SLIT3: variants seen among roughly 807,000 people sequenced by gnomAD.
The protein encoded by SLIT3 is slit guidance ligand 3.
A neutral mutation model predicts 184.0 loss-of-function variants in SLIT3; 68 were observed. The observed-to-expected ratio is 0.37, with a 90% confidence interval of 0.30 to 0.45. SLIT3 has a LOEUF of 0.45. SLIT3 is among the 20% of genes least tolerant of loss of function. The pLI is 1.00. For synonymous variants in SLIT3, 831 were observed against 828.6 expected (o/e 1.00, Z -0.05); for missense variants, 1,707 against 2,026.0 (o/e 0.84, Z 3.02).
At chr5:169,186,348 A>T (rs1367677439) in intron 4 of SLIT3, among the ~76,000 whole-genome samples, 1 of 152,208 alleles carries the variant, frequency 6.6e-6, no homozygotes, top group Non-Finnish European at 1.5e-5. Context: ...CTGCAAGCCA[A>T]GGAGAGAGGC....
At chr5:169,089,389 A>G (rs1316170422) in intron 4 of SLIT3, among the ~76,000 whole-genome samples, 1 of 152,192 alleles carries the variant, frequency 6.6e-6, no homozygotes, top group East Asian at 1.9e-4. Context: ...TTGAAAAGAA[A>G]ACCGGCTGCT....
At chr5:168,825,571 T>C (rs768999324) in intron 6 of SLIT3, among the ~76,000 whole-genome samples, 7 of 152,232 alleles carry the variant, frequency 4.6e-5, no homozygotes, top group Non-Finnish European at 8.8e-5. Context: ...GCCTACTTTA[T>C]GACTTCACTA....
At chr5:168,708,239 C>T (rs866363432) in intron 25 of SLIT3, 139 bp from the exon 26 acceptor site, 8 of 1,132,418 alleles carry the variant, frequency 7.1e-6, no homozygotes, top group Non-Finnish European at 8.9e-6. Flanking sequence ...GCTGGCTCTC[C>T]TCAGCCAGCA....
chr5:168,832,618 T>C (rs769341987), intron 6 of SLIT3, among the ~76,000 whole-genome samples: 1 of 152,176 alleles, frequency 6.6e-6, no homozygotes, highest in Non-Finnish European at 1.5e-5. Context: ...GTCATATAAG[T>C]GAGTGAGCTG....
chr5:169,232,841 C>G (rs1334500995), intron 3 of SLIT3, among the ~76,000 whole-genome samples: 1 of 152,144 alleles, frequency 6.6e-6, no homozygotes, highest in Non-Finnish European at 1.5e-5. Flanking sequence ...TAGGACTGCC[C>G]TGAATCCATC....
chr5:169,062,440 C>G (rs73314006), intron 4 of SLIT3, among the ~76,000 whole-genome samples: 13,216 of 152,188 alleles, frequency 0.087, 665 homozygotes, highest in East Asian at 0.21. Context: ...AAGGACTCAT[C>G]ATCTTTGAGT....
At chr5:168,778,366 A>G (rs1755835611) in intron 12 of SLIT3, among the ~76,000 whole-genome samples, 1 of 152,168 alleles carries the variant, frequency 6.6e-6, no homozygotes, top group Non-Finnish European at 1.5e-5. Context: ...CTACTATTTA[A>G]AGTCTATATT....
chr5:168,960,628 A>G (rs929876953), intron 4 of SLIT3, among the ~76,000 whole-genome samples: 5 of 152,242 alleles, frequency 3.3e-5, no homozygotes, highest in Non-Finnish European at 5.9e-5. Context: ...GTGTGAGTCC[A>G]AAATGAAACC....
chr5:169,226,006 C>T (rs890109601), intron 3 of SLIT3, among the ~76,000 whole-genome samples: 7 of 152,176 alleles, frequency 4.6e-5, no homozygotes, highest in South Asian at 2.1e-4. Context: ...GATAATGGCG[C>T]GGATGAGATC....
chr5:168,807,018 A>G (rs575088773), intron 8 of SLIT3, among the ~76,000 whole-genome samples: 2 of 152,344 alleles, frequency 1.3e-5, no homozygotes, highest in African/African-American at 4.8e-5. Flanking sequence ...CGGGGCTATC[A>G]AAACCAAGTG....
chr5:168,670,009 G>A lies in SLIT3; in HGVS notation c.4128-18C>T, dbSNP rs1178428311. ...GGTGGCATCTAGGGGCAGAGAGGAG[G>A]ATGAGAAGGGAACTGGATCAGAGTT... On this transcript the variant is annotated intron_variant, in intron 34 of 35. Transcript: ENST00000519560. 6.2e-7 allele frequency: 1 copy of A among 1,609,042 alleles called. No individual in the cohort carries two copies.
At chr5:168,826,886 C>T (rs1432341411) in intron 6 of SLIT3, among the ~76,000 whole-genome samples, 1 of 152,064 alleles carries the variant, frequency 6.6e-6, no homozygotes, top group Non-Finnish European at 1.5e-5. Flanking sequence ...CCTTAGCCTT[C>T]TGAGTAGCTG....
intron 12 of SLIT3, among the ~76,000 whole-genome samples, chr5:168,784,249 C>T (rs2163761): frequency 0.33 from 50,360 of 152,042 alleles, 8,844 homozygotes; most frequent in African/African-American, 0.45. Context: ...AGTTATAATG[C>T]ACAGTTTCTT....
chr5:169,253,929 T>A (rs1412952245), intron 1 of SLIT3, among the ~76,000 whole-genome samples: 1 of 152,156 alleles, frequency 6.6e-6, no homozygotes, highest in Non-Finnish European at 1.5e-5. Context: ...TCTATTTCCT[T>A]AGTATCTAAG....
At chr5:168,757,738 C>A (rs181520930) in intron 16 of SLIT3, among the ~76,000 whole-genome samples, 255 of 152,282 alleles carry the variant, frequency 1.7e-3, no homozygotes, top group African/African-American at 5.9e-3. Context: ...CCCAACCCAA[C>A]CCCTGTTTTA....
intron 3 of SLIT3, among the ~76,000 whole-genome samples, chr5:169,235,573 T>G (rs1037205047): frequency 3.9e-5 from 6 of 152,226 alleles, no homozygotes; most frequent in African/African-American, 1.4e-4. Context: ...TTTTCAGATT[T>G]TCTTAGTTTT....
intron 5 of SLIT3, among the ~76,000 whole-genome samples, chr5:168,873,797 G>C (rs897969924): frequency 6.6e-6 from 1 of 151,656 alleles, no homozygotes; most frequent in African/African-American, 2.4e-5. Flanking sequence ...GTAGTGAGAG[G>C]CAAAGCTGAA....
chr5:169,105,345 A>G (rs1351657035), intron 4 of SLIT3, among the ~76,000 whole-genome samples: 2 of 152,194 alleles, frequency 1.3e-5, no homozygotes, highest in Non-Finnish European at 2.9e-5. Flanking sequence ...GCTTGCACAG[A>G]TCGAGGAGGC....
intron 4 of SLIT3, among the ~76,000 whole-genome samples, chr5:169,026,134 G>A (rs1053254373): frequency 1.3e-5 from 2 of 152,168 alleles, no homozygotes; most frequent in African/African-American, 4.8e-5. Context: ...GTGACTCCCT[G>A]GCAGAGACTG....
Sources: gnomAD v4.1 joint callset for allele counts (sites outside exome capture counted in the v4.1 genomes callset) on GRCh38, gnomAD v4.1.1 for gene constraint, MANE v1.5 for transcripts, NCBI Gene and HGNC (gene_info 2026-07-23, HGNC 2026-07-21) for gene names.